GABRG1: variants seen among roughly 807,000 people sequenced by gnomAD.
The protein encoded by GABRG1 is gamma-aminobutyric acid type A receptor subunit gamma1, also known as gamma-aminobutyric acid receptor subunit gamma-1.
In GABRG1, 49 loss-of-function variants were observed where a neutral mutation model predicts 49.8. The ratio of observed to expected loss-of-function variants is 0.98; its 90% confidence interval spans 0.78 to 1.25. The LOEUF (loss-of-function observed/expected upper bound fraction) is 1.25. Among genes scored for constraint, GABRG1 ranks in the 50% most tolerant of loss-of-function variants. The pLI, the probability that GABRG1 is intolerant of heterozygous loss-of-function variation, is 0.00. For missense variants in GABRG1, 552 were observed against 552.3 expected, an observed-to-expected ratio of 1.00 and a Z score of 0.01; for synonymous variants, 232 against 185.1, an observed-to-expected ratio of 1.25 and a Z score of -2.06.
intron 2 of GABRG1, among the ~76,000 whole-genome samples, chr4:46,085,536 C>T (rs1478585325): frequency 1.3e-5 from 2 of 151,454 alleles, no homozygotes; most frequent in African/African-American, 4.8e-5. Context: ...TTCTGTTCAC[C>T]ATTTTGTAAA....
intron 5 of GABRG1, among the ~76,000 whole-genome samples, chr4:46,059,007 A>C (rs935331662): frequency 4.6e-5 from 7 of 151,990 alleles, no homozygotes; most frequent in African/African-American, 1.7e-4. Context: ...GGTTCCTTTG[A>C]ATTTTATTTG....
At chr4:46,076,363 A>ATG in intron 3 of GABRG1, among the ~76,000 whole-genome samples, 1 of 37,356 alleles carries the variant, frequency 2.7e-5, no homozygotes, top group Non-Finnish European at 4.6e-5. Flanking sequence ...GGTCATGTTC[A>ATG]TATATATATA....
intron 5 of GABRG1, among the ~76,000 whole-genome samples, chr4:46,060,733 C>T (rs1718639810): frequency 6.6e-6 from 1 of 152,014 alleles, no homozygotes. Flanking sequence ...TCCTTTTCTC[C>T]ATCTTCTTTC....
At chr4:46,090,951 C>CAT (rs879387963) in intron 2 of GABRG1, among the ~76,000 whole-genome samples, 6,174 of 103,514 alleles carry the variant, frequency 0.06, 118 homozygotes, top group African/African-American at 0.15. Context: ...CACACACACA[C>CAT]ACATACACAC....
intron 8 of GABRG1, among the ~76,000 whole-genome samples, chr4:46,042,163 G>A (rs530433568): frequency 6.6e-5 from 10 of 151,854 alleles, no homozygotes; most frequent in Admixed American, 3.3e-4. Flanking sequence ...TTGAAACATA[G>A]CAAGTAATCA....
intron 1 of GABRG1, among the ~76,000 whole-genome samples, chr4:46,097,869 T>C (rs1472959724): frequency 6.6e-6 from 1 of 151,814 alleles, no homozygotes; most frequent in Non-Finnish European, 1.5e-5. Context: ...TTGTACATAC[T>C]GTTGCTCATT....
chr4:46,047,502 C>G (rs1560347882), intron 8 of GABRG1, among the ~76,000 whole-genome samples: 2 of 152,086 alleles, frequency 1.3e-5, no homozygotes, highest in Non-Finnish European at 2.9e-5. Context: ...CTCTTCAACA[C>G]TGTGTGCCTG....
intron 1 of GABRG1, among the ~76,000 whole-genome samples, chr4:46,123,330 G>A (rs1721152135): frequency 6.6e-6 from 1 of 152,044 alleles, no homozygotes; most frequent in Admixed American, 6.6e-5. Flanking sequence ...TAAAACACTG[G>A]TTTGTTCCAG....
chr4:46,049,357 C>G (rs1718126413), intron 8 of GABRG1, among the ~76,000 whole-genome samples: 1 of 151,790 alleles, frequency 6.6e-6, no homozygotes, highest in African/African-American at 2.4e-5. Flanking sequence ...TGCAAGGAGT[C>G]AGATTTGATT....
chr4:46,070,370 AAC>A (rs1206136618), intron 3 of GABRG1, among the ~76,000 whole-genome samples: 1 of 152,010 alleles, frequency 6.6e-6, no homozygotes, highest in Admixed American at 6.6e-5. Flanking sequence ...ATATTCACAG[AAC>A]AGTTAAACTA....
chr4:46,066,286 C>A (rs1304216745), intron 3 of GABRG1, among the ~76,000 whole-genome samples: 1 of 152,062 alleles, frequency 6.6e-6, no homozygotes, highest in Non-Finnish European at 1.5e-5. Flanking sequence ...AGAGCCCTTA[C>A]ATTGTTTTTT....
At chr4:46,042,917 C>T (rs1045839222) in intron 8 of GABRG1, among the ~76,000 whole-genome samples, 3 of 151,892 alleles carry the variant, frequency 2.0e-5, no homozygotes, top group South Asian at 4.1e-4. Context: ...GAGGCAGTAT[C>T]TTATTAAATG....
intron 4 of GABRG1, 69 bp downstream of exon 4, chr4:46,065,295 T>A (rs1718865123): frequency 1.8e-6 from 2 of 1,104,252 alleles, no homozygotes; most frequent in Non-Finnish European, 2.6e-6. Context: ...AAATAAAAAA[T>A]TAAGAATTGA....
At chr4:46,115,569 A>C (rs191433843) in intron 1 of GABRG1, among the ~76,000 whole-genome samples, 3 of 150,946 alleles carry the variant, frequency 2.0e-5, no homozygotes, top group Non-Finnish European at 4.5e-5. Flanking sequence ...TTTTCTGTCT[A>C]CAGACCAGAG....
intron 3 of GABRG1, among the ~76,000 whole-genome samples, chr4:46,068,556 T>C (rs1425289704): frequency 6.6e-6 from 1 of 152,118 alleles, no homozygotes; most frequent in Non-Finnish European, 1.5e-5. Flanking sequence ...CTCAATCTAA[T>C]ATCAAGAAGA....
At position 46,097,049 on chromosome 4, in the gene GABRG1, C is replaced by T. The variant is rs574062416; in HGVS notation, c.253+152G>A. On this transcript the variant is annotated intron_variant, in intron 2 of 8. Transcript: ENST00000295452. ...ATTTCAGACTGTGAACTCCTCAAAA[C>T]ATTAGTGACCATTCTAACCAATAAT... 15 of 624,684 alleles carry T rather than the reference C, an allele frequency of 2.4e-5. No individual in the cohort carries two copies. In the South Asian group the frequency reaches 4.9e-4, roughly 21 times the overall value. 38.7% of individuals were successfully genotyped at this position (624,684 alleles called of 1,614,324 possible). A position where few individuals can be genotyped will look rare whatever the true frequency, so the allele number is the denominator to read the frequency against.
At chr4:46,111,662 A>C (rs1462388403) in intron 1 of GABRG1, among the ~76,000 whole-genome samples, 2 of 151,500 alleles carry the variant, frequency 1.3e-5, no homozygotes, top group Admixed American at 1.3e-4. Flanking sequence ...CAAATGGAAC[A>C]GAAGAGAGCC....
At chr4:46,044,241 G>A (rs1193328727) in intron 8 of GABRG1, among the ~76,000 whole-genome samples, 1 of 152,122 alleles carries the variant, frequency 6.6e-6, no homozygotes, top group African/African-American at 2.4e-5. Context: ...GGGAGGCCAA[G>A]GTGGGCAGAT....
intron 3 of GABRG1, among the ~76,000 whole-genome samples, chr4:46,066,073 A>G (rs1255307287): frequency 6.6e-6 from 1 of 152,168 alleles, no homozygotes. Flanking sequence ...CCAAGATTTC[A>G]AGTAGTTATT....
Sources: gnomAD v4.1 joint callset for allele counts (sites outside exome capture counted in the v4.1 genomes callset) on GRCh38, gnomAD v4.1.1 for gene constraint, MANE v1.5 for transcripts, NCBI Gene and HGNC (gene_info 2026-07-23, HGNC 2026-07-21) for gene names.